Variants in PPP1R12B observed in about 807,000 individuals in gnomAD.
PPP1R12B encodes the protein protein phosphatase 1 regulatory subunit 12B, also known as myosin phosphatase target subunit 2.
A neutral mutation model predicts 126.1 loss-of-function variants in PPP1R12B; 76 were observed. That is an observed-to-expected ratio of 0.60 (90% CI 0.50 to 0.73). The LOEUF (loss-of-function observed/expected upper bound fraction) is 0.73. PPP1R12B is among the 30% of genes least tolerant of loss of function. The probability of loss-of-function intolerance (pLI) is 0.00; values close to 1 mark genes in which losing one functional copy is unlikely to be tolerated. For synonymous variants in PPP1R12B, 356 were observed against 434.7 expected (o/e 0.82, Z 2.25); for missense variants, 1,052 against 1,205.1 (o/e 0.87, Z 1.88).
At position 202,517,993 on chromosome 1, in the gene PPP1R12B, G is replaced by A. The variant is rs182747600; in HGVS notation, c.2490+21171G>A. ...AAAAGATAATGCCCAATTTAGCCAA[G>A]AATGTGGTGAAATGGGCCTTCCCAT... is the stretch of plus-strand genomic sequence containing the variant. On this transcript the variant is annotated intron_variant, in intron 18 of 23. Transcript: ENST00000608999. Among the ~76,000 whole-genome samples, 6 of 152,332 alleles carry A rather than the reference G, an allele frequency of 3.9e-5. No homozygotes were observed. The East Asian group carries it at 9.6e-4, about 24-fold the overall frequency.
At chr1:202,376,043 A>G (rs1661134036) in intron 1 of PPP1R12B, among the ~76,000 whole-genome samples, 1 of 152,230 alleles carries the variant, frequency 6.6e-6, no homozygotes, top group Non-Finnish European at 1.5e-5. Context: ...GATTTGTTCA[A>G]TGAATGAACT....
At chr1:202,557,359 CTT>C (rs896834616) in intron 18 of PPP1R12B, among the ~76,000 whole-genome samples, 10 of 151,924 alleles carry the variant, frequency 6.6e-5, no homozygotes, top group African/African-American at 2.4e-4. Flanking sequence ...GAAAAAAAAA[CTT>C]AAGGTAAAGT....
At position 202,381,598 on chromosome 1, in the gene PPP1R12B, A is replaced by G. The variant is rs1662295406; in HGVS notation, c.291+32456A>G. Among the ~76,000 whole-genome samples the G allele has an allele frequency of 2.6e-5, 4 of 152,184 alleles. 1 individual carries two copies. The South Asian group carries it at 8.3e-4, about 32-fold the overall frequency. On this transcript the variant is annotated intron_variant, in intron 1 of 23. Transcript: ENST00000608999. Reference sequence around the variant, plus strand: ...GGGACCCACATCTAGCTACTGGCATATTCAACTCTAAGAGCTTTTAGACCA... The same window carrying G: ...GGGACCCACATCTAGCTACTGGCATGTTCAACTCTAAGAGCTTTTAGACCA...
At chr1:202,398,844 T>C (rs992443776) in intron 1 of PPP1R12B, among the ~76,000 whole-genome samples, 2 of 152,216 alleles carry the variant, frequency 1.3e-5, no homozygotes, top group African/African-American at 4.8e-5. Context: ...TGATTGACTA[T>C]TTCCTTAAGA....
At chr1:202,503,984 G>T (rs1465338151) in intron 18 of PPP1R12B, among the ~76,000 whole-genome samples, 1 of 152,038 alleles carries the variant, frequency 6.6e-6, no homozygotes, top group Non-Finnish European at 1.5e-5. Flanking sequence ...ACATCAGAGG[G>T]ATTCTATTAA....
intron 10 of PPP1R12B, 126 bp from the exon 11 acceptor site, chr1:202,440,580 T>C (rs570534712): frequency 1.2e-4 from 73 of 634,500 alleles, no homozygotes; most frequent in African/African-American, 8.5e-4. Flanking sequence ...CCACTCAAAA[T>C]AGAATTAGTG....
At chr1:202,410,713 T>C (rs1365298665) in intron 1 of PPP1R12B, among the ~76,000 whole-genome samples, 1 of 152,228 alleles carries the variant, frequency 6.6e-6, no homozygotes, top group Non-Finnish European at 1.5e-5. Context: ...TTGGAGATTA[T>C]CATTGCCAGA....
At chr1:202,476,320 A>G (rs1558276487) in intron 13 of PPP1R12B, among the ~76,000 whole-genome samples, 2 of 151,584 alleles carry the variant, frequency 1.3e-5, no homozygotes, top group South Asian at 4.2e-4. Context: ...GATATATACT[A>G]TAAGATATTT....
Position 202,550,575 on chromosome 1 carries a change from A to T in PPP1R12B, c.2491-8302A>T, listed in dbSNP as rs575451714. The stretch of plus-strand genomic sequence containing the variant: ...GTTCATTGAGGCTGTGTTTTTTTTT[A>T]AAATCATCTGAATGTATTTCATAGT... On this transcript the variant is annotated intron_variant, in intron 18 of 23. Coordinates refer to ENST00000608999, the MANE Select transcript of PPP1R12B (RefSeq NM_002481.4). 7.4e-3 allele frequency among the ~76,000 whole-genome samples: 1,130 copies of T among 152,194 alleles called. 14 individuals are homozygous for T. Among genetic ancestry groups the T allele is most frequent in the South Asian group, 0.01 (50 of 4,828 alleles).
rs1423283762 is a variant in PPP1R12B, at chr1:202,583,042, A to G, written c.*2482A>G. 6.6e-6 allele frequency: 1 copy of G among 152,212 alleles called. No individual in the cohort carries two copies. Among genetic ancestry groups the G allele is most frequent in the Non-Finnish European group, 1.5e-5 (1 of 68,038 alleles). The allele number at this position is 152,212 out of a possible 1,614,324, so 9.4% of individuals were successfully genotyped here. A position where few individuals can be genotyped will look rare whatever the true frequency, so the allele number is the denominator to read the frequency against. ...TGCTACTATCTTGAGACTTCGTATT[A>G]TCATGGGAGTACTGTAAGTTCAGTT... On this transcript the variant is annotated 3_prime_UTR_variant, in exon 24 of 24. Transcript: ENST00000608999.
chr1:202,541,425 A>G (rs2148963221), intron 18 of PPP1R12B, among the ~76,000 whole-genome samples: 1 of 152,270 alleles, frequency 6.6e-6, no homozygotes, highest in East Asian at 1.9e-4. Flanking sequence ...TCCGATATAT[A>G]TGTTACTGTC....
intron 1 of PPP1R12B, among the ~76,000 whole-genome samples, chr1:202,385,525 C>T (rs144004842): frequency 1.2e-3 from 176 of 152,248 alleles, no homozygotes; most frequent in African/African-American, 3.3e-3. Flanking sequence ...AGTTGTTTCT[C>T]GAGTTTTTTA....
At chr1:202,478,649 TTACA>T (rs1458350253) in intron 13 of PPP1R12B, among the ~76,000 whole-genome samples, 2 of 152,146 alleles carry the variant, frequency 1.3e-5, no homozygotes, top group African/African-American at 4.8e-5. Flanking sequence ...TAGTATATAT[TTACA>T]TACAATCTGG....
At chr1:202,522,695 T>TA (rs943197841) in intron 18 of PPP1R12B, among the ~76,000 whole-genome samples, 7 of 152,138 alleles carry the variant, frequency 4.6e-5, no homozygotes, top group African/African-American at 1.2e-4. Flanking sequence ...CACTGAAAGA[T>TA]AAAAAAATAC....
chr1:202,406,394 G>A (rs185109537), intron 1 of PPP1R12B, among the ~76,000 whole-genome samples: 91 of 152,270 alleles, frequency 6.0e-4, no homozygotes, highest in African/African-American at 2.1e-3. Context: ...TTGACCAATT[G>A]GCCACATTCC....
intron 18 of PPP1R12B, chr1:202,502,193 C>G: frequency 1.0e-6 from 1 of 984,798 alleles, no homozygotes; most frequent in Non-Finnish European, 1.2e-6. Context: ...ACTAGTCATC[C>G]CTCAAAACTG....
intron 1 of PPP1R12B, among the ~76,000 whole-genome samples, chr1:202,355,347 G>A (rs890589973): frequency 1.3e-5 from 2 of 152,168 alleles, no homozygotes; most frequent in African/African-American, 4.8e-5. Context: ...TAACAGTCAG[G>A]TTTGGAAACA....
rs138569448 is a variant in PPP1R12B, at chr1:202,383,169, C to T, written c.292-33618C>T. ...GGTTTGGAATTTTGATATGAGGAAGCCCTAATGCTTTTTACAATCCCATCT... is the reference window on the plus strand; with the variant it reads ...GGTTTGGAATTTTGATATGAGGAAGTCCTAATGCTTTTTACAATCCCATCT... On this transcript the variant is annotated intron_variant, in intron 1 of 23. Transcript: ENST00000608999. Among the ~76,000 whole-genome samples, 1,065 of 152,198 alleles carry T rather than the reference C, an allele frequency of 7.0e-3. 13 individuals are homozygous for T. The highest frequency in any genetic ancestry group is 0.025 in the African/African-American group (1,026 of 41,504).
intron 18 of PPP1R12B, among the ~76,000 whole-genome samples, chr1:202,503,100 G>A (rs1384188652): frequency 6.6e-6 from 1 of 152,210 alleles, no homozygotes; most frequent in East Asian, 1.9e-4. Flanking sequence ...ACATCAGTTA[G>A]GAGGCCATTA....
Sources: allele counts gnomAD v4.1 joint callset (sites outside exome capture counted in the v4.1 genomes callset), GRCh38; gene constraint gnomAD v4.1.1; transcripts MANE v1.5; gene names NCBI Gene and HGNC (gene_info 2026-07-23, HGNC 2026-07-21).